Variants in PIK3C2G observed in about 807,000 individuals in gnomAD.
The protein encoded by PIK3C2G is phosphatidylinositol 3-kinase C2 domain-containing subunit gamma.
PIK3C2G carries 168 observed loss-of-function variants against 181.1 expected under a neutral mutation model. The observed-to-expected ratio is 0.93, with a 90% CI of 0.82 to 1.05. PIK3C2G has a LOEUF of 1.05. Ranked by LOEUF, PIK3C2G falls within the 50% of genes least tolerant of loss-of-function variation. PIK3C2G has a pLI of 0.00. For missense variants in PIK3C2G, 1,869 were observed against 1,732.8 expected, an observed-to-expected ratio of 1.08 and a Z score of -1.40; for synonymous variants, 573 against 592.2, an observed-to-expected ratio of 0.97 and a Z score of 0.47.
rs532413760 is a variant in PIK3C2G, at chr12:18,648,114, T to C, written c.*86T>C. Reference sequence around the variant, plus strand: ...TCTGAATCACATAAGTAAGGCATCTTTGTTGTCAAAGACAGCACAGGGTAT... The same window carrying C: ...TCTGAATCACATAAGTAAGGCATCTCTGTTGTCAAAGACAGCACAGGGTAT... On this transcript the variant is annotated 3_prime_UTR_variant, in exon 33 of 33. Coordinates refer to ENST00000538779, the MANE Select transcript of PIK3C2G (RefSeq NM_001288772.2). The C allele has an allele frequency of 1.1e-3, 863 of 791,298 alleles. 4 individuals are homozygous for C. Among genetic ancestry groups the C allele is most frequent in the Non-Finnish European group, 1.6e-3 (826 of 528,952 alleles). The allele number at this position is 791,298 out of a possible 1,614,324, so 49.0% of individuals were successfully genotyped here. A position where few individuals can be genotyped will look rare whatever the true frequency, so the allele number is the denominator to read the frequency against.
chr12:18,695,061 G>T, the PIK3C2G span: 2 of 1,612,880 alleles, frequency 1.2e-6, no homozygotes. Context: ...CAGACCAGGG[G>T]TCTGGAAATT....
Position 18,424,037 on chromosome 12 carries a change from C to T in PIK3C2G, c.2502C>T (p.Tyr834=). The change falls in exon 18 of 33, where the codon TAC becomes TAT. Residue 834 remains tyrosine, a splice_region_variant and synonymous_variant. Coordinates refer to ENST00000538779, the MANE Select transcript of PIK3C2G (RefSeq NM_001288772.2). ...GCATCCAGGTTGCCCATCGTCTTTA[C>T]TGGTAAGATTAACTAAATCAGGCAA... The part of the protein sequence containing the change: ...LQSIQVAHRL[Y]WLLKNAENEA... 6.3e-7 allele frequency: 1 copy of T among 1,599,170 alleles called. No individual in the cohort carries two copies. The highest frequency in any genetic ancestry group is 8.6e-7 in the Non-Finnish European group (1 of 1,168,960).
At chr12:18,659,051 T>TA in the PIK3C2G span, among the ~76,000 whole-genome samples, 1 of 152,042 alleles carries the variant, frequency 6.6e-6, no homozygotes, top group Non-Finnish European at 1.5e-5. Context: ...CAAGAGTTGC[T>TA]ATGGAAAGGA....
At chr12:18,638,768 C>A (rs7980327) in intron 31 of PIK3C2G, among the ~76,000 whole-genome samples, 2,665 of 152,130 alleles carry the variant, frequency 0.018, 66 homozygotes, top group African/African-American at 0.061. Flanking sequence ...ACATAGCTGG[C>A]AAATTTGGGG....
intron 13 of PIK3C2G, among the ~76,000 whole-genome samples, chr12:18,375,498 A>G (rs999220219): frequency 6.6e-6 from 1 of 152,214 alleles, no homozygotes; most frequent in African/African-American, 2.4e-5. Flanking sequence ...TAAAATTGGA[A>G]TTTATACTTA....
intron 5 of PIK3C2G, among the ~76,000 whole-genome samples, chr12:18,296,368 T>C (rs1203275337): frequency 6.6e-6 from 1 of 152,120 alleles, no homozygotes; most frequent in African/African-American, 2.4e-5. Context: ...CCTGAGGCTG[T>C]CCATTTCTAA....
At chr12:18,262,004 TC>T (rs931585171) in intron 1 of PIK3C2G, among the ~76,000 whole-genome samples, 2 of 152,078 alleles carry the variant, frequency 1.3e-5, no homozygotes, top group Non-Finnish European at 2.9e-5. Flanking sequence ...GTAGACGGCA[TC>T]CCCATGATGG....
the PIK3C2G span, chr12:18,683,542 A>G: frequency 3.3e-6 from 5 of 1,505,688 alleles, no homozygotes; most frequent in Admixed American, 2.0e-5. Context: ...CACAGCTCAT[A>G]CTTCTCCTTC....
intron 8 of PIK3C2G, among the ~76,000 whole-genome samples, 166 bp from the exon 9 acceptor site, chr12:18,338,260 C>G (rs946893457): frequency 1.3e-5 from 2 of 152,036 alleles, no homozygotes; most frequent in African/African-American, 4.8e-5. Context: ...AATTAAAGCC[C>G]CAGTCACAGG....
rs78247495 is a variant in PIK3C2G at position 18,594,013 on chromosome 12, C to G, written c.4012-481C>G. Among the ~76,000 whole-genome samples the G allele has an allele frequency of 6.6e-3, 997 of 151,930 alleles. 8 individuals carry two copies. Among genetic ancestry groups the G allele is most frequent in the African/African-American group, 0.023 (954 of 41,490 alleles). On this transcript the variant is annotated intron_variant, in intron 29 of 32. Coordinates refer to ENST00000538779, the MANE Select transcript of PIK3C2G (RefSeq NM_001288772.2). Reference sequence around the variant, plus strand: ...TTACTATGTACAGAGAACCATGCCTCTCTTTTAAATTCCTCAGTGCTCTGA... The same window carrying G: ...TTACTATGTACAGAGAACCATGCCTGTCTTTTAAATTCCTCAGTGCTCTGA...
chr12:18,592,393 G>C (rs1048377977), intron 29 of PIK3C2G, among the ~76,000 whole-genome samples: 1 of 151,772 alleles, frequency 6.6e-6, no homozygotes, highest in East Asian at 1.9e-4. Context: ...GCAAAGACAA[G>C]ACAGAATTCA....
intron 16 of PIK3C2G, among the ~76,000 whole-genome samples, chr12:18,410,956 A>C (rs2135627449): frequency 6.6e-6 from 1 of 152,308 alleles, no homozygotes; most frequent in East Asian, 1.9e-4. Context: ...TTAATTCACT[A>C]ATACAATGAC....
the PIK3C2G span, chr12:18,683,238 G>A: frequency 2.0e-3 from 3,280 of 1,611,612 alleles, 61 homozygotes; most frequent in African/African-American, 0.038. Context: ...ATCATTAGCT[G>A]TTATCTGACG....
chr12:18,374,476 T>C (rs1177852579), intron 13 of PIK3C2G, among the ~76,000 whole-genome samples: 1 of 152,150 alleles, frequency 6.6e-6, no homozygotes, highest in East Asian at 1.9e-4. Context: ...CATTTATAGA[T>C]GAAGAACTCT....
At chr12:18,441,993 A>G (rs550764593) in intron 18 of PIK3C2G, among the ~76,000 whole-genome samples, 196 of 152,312 alleles carry the variant, frequency 1.3e-3, no homozygotes, top group African/African-American at 4.4e-3. Context: ...TAAAAATAAA[A>G]GTTTAATTCA....
chr12:18,563,322 T>C, intron 27 of PIK3C2G, 55 bp from the exon 28 acceptor site: 1 of 1,530,344 alleles, frequency 6.5e-7, no homozygotes, highest in Non-Finnish European at 8.9e-7. Flanking sequence ...GGTTTTAGAG[T>C]GTATCACAGG....
intron 1 of PIK3C2G, among the ~76,000 whole-genome samples, chr12:18,272,925 C>T (rs936106046): frequency 6.6e-6 from 1 of 151,932 alleles, no homozygotes; most frequent in Non-Finnish European, 1.5e-5. Context: ...GAGGAATGCT[C>T]ATTGTACTGA....
chr12:18,468,275 G>A (rs888621867), intron 18 of PIK3C2G, among the ~76,000 whole-genome samples: 3 of 152,036 alleles, frequency 2.0e-5, no homozygotes, highest in African/African-American at 7.2e-5. Flanking sequence ...CTCCAACTCT[G>A]TTCATCTCCT....
intron 16 of PIK3C2G, among the ~76,000 whole-genome samples, chr12:18,417,790 A>G (rs1314955744): frequency 6.6e-6 from 1 of 151,374 alleles, no homozygotes; most frequent in Non-Finnish European, 1.5e-5. Flanking sequence ...TTATTGTGAT[A>G]TTTTTACTTT....
Sources: gnomAD v4.1 joint callset for allele counts (sites outside exome capture counted in the v4.1 genomes callset) on GRCh38, gnomAD v4.1.1 for gene constraint, MANE v1.5 for transcripts, NCBI Gene and HGNC (gene_info 2026-07-23, HGNC 2026-07-21) for gene names.